The following NAV2 variants were observed in gnomAD, a reference collection of about 807,000 sequenced individuals.
NAV2 encodes neuron navigator 2.
Under a neutral mutation model 223.2 loss-of-function variants are expected in NAV2, and 54 were observed. The ratio of observed to expected loss-of-function variants is 0.24; its 90% CI spans 0.19 to 0.30. The LOEUF (loss-of-function observed/expected upper bound fraction) is 0.30. NAV2 is among the 10% of genes least tolerant of loss of function. NAV2 has a pLI of 1.00. For missense variants in NAV2, 2,806 were observed against 3,147.5 expected (o/e 0.89, Z 2.60); for synonymous variants, 1,279 against 1,239.3 (o/e 1.03, Z -0.67).
At chr11:19,511,217 G>C (rs894689846) in intron 1 of NAV2, 5 of 152,226 alleles carry the variant, frequency 3.3e-5, no homozygotes, top group African/African-American at 1.2e-4. Flanking sequence ...AAAAGGAATG[G>C]ATGGGAGAGC....
intron 1 of NAV2, among the ~76,000 whole-genome samples, chr11:19,409,028 G>C (rs1365097904): frequency 6.6e-6 from 1 of 152,054 alleles, no homozygotes; most frequent in Non-Finnish European, 1.5e-5. Context: ...GGGGCTCTTG[G>C]AGGATCAGTG....
At chr11:19,412,381 C>T (rs1391806913) in intron 1 of NAV2, among the ~76,000 whole-genome samples, 1 of 152,222 alleles carries the variant, frequency 6.6e-6, no homozygotes, top group Non-Finnish European at 1.5e-5. Context: ...GATTCCTCCT[C>T]TCTGGGCAGG....
At chr11:20,031,582 A>G (rs1349072639) in intron 11 of NAV2, among the ~76,000 whole-genome samples, 3 of 152,168 alleles carry the variant, frequency 2.0e-5, no homozygotes, top group Non-Finnish European at 4.4e-5. Flanking sequence ...GGCTTTCAGT[A>G]TGGCTGGATG....
chr11:19,374,314 T>G (rs1166411578), intron 1 of NAV2, among the ~76,000 whole-genome samples: 1 of 144,678 alleles, frequency 6.9e-6, no homozygotes, highest in African/African-American at 2.7e-5. Context: ...AAAAGGTTTT[T>G]TTTTTTTTTT....
At chr11:19,924,808 G>C (rs920721) in intron 6 of NAV2, among the ~76,000 whole-genome samples, 233 of 152,292 alleles carry the variant, frequency 1.5e-3, no homozygotes, top group African/African-American at 5.1e-3. Context: ...GAGCGCTGTG[G>C]AGAGATCTGG....
intron 11 of NAV2, among the ~76,000 whole-genome samples, chr11:19,990,832 C>T (rs1197897213): frequency 6.6e-6 from 1 of 152,180 alleles, no homozygotes; most frequent in Non-Finnish European, 1.5e-5. Flanking sequence ...GGCCAGTGCT[C>T]TCCTAGACAA....
intron 5 of NAV2, among the ~76,000 whole-genome samples, chr11:19,888,758 C>T (rs985752427): frequency 3.9e-5 from 6 of 152,122 alleles, no homozygotes; most frequent in African/African-American, 1.4e-4. Flanking sequence ...GTACTTTCTA[C>T]AGGCTTTGCT....
In NAV2 at chr11:19,823,655, A is replaced by G. The variant is rs966326160; in HGVS notation, c.268-8829A>G. Among the ~76,000 whole-genome samples, 5 of 152,316 alleles carry G rather than the reference A, an allele frequency of 3.3e-5. No homozygotes were observed. In the East Asian group the frequency reaches 9.6e-4, roughly 29 times the overall value. ...TGTGCCCAGCTTATACAGTTTCTAA[A>G]GACTCTGGGGTCTCTTAAGGAAGGT... On this transcript the variant is annotated intron_variant, in intron 1 of 37. Transcript: ENST00000349880.
intron 27 of NAV2, 76 bp from the exon 28 acceptor site, chr11:20,092,130 T>C (rs1434409918): frequency 2.0e-5 from 30 of 1,468,914 alleles, no homozygotes; most frequent in Non-Finnish European, 2.7e-5. Flanking sequence ...CAGGGAACTT[T>C]CAGATCCTTC....
At chr11:19,478,099 TA>T (rs1234645864) in intron 1 of NAV2, among the ~76,000 whole-genome samples, 8 of 152,260 alleles carry the variant, frequency 5.3e-5, no homozygotes, top group East Asian at 1.9e-4. Context: ...CTATATATGT[TA>T]AAAAAATGTT....
chr11:19,832,868 G>C (rs1237295556), intron 2 of NAV2, among the ~76,000 whole-genome samples: 2 of 152,164 alleles, frequency 1.3e-5, no homozygotes, highest in Non-Finnish European at 2.9e-5. Flanking sequence ...CTGGTGGTTT[G>C]GGGAAGATGT....
At chr11:20,031,206 T>G (rs1216616193) in intron 11 of NAV2, among the ~76,000 whole-genome samples, 30 of 152,236 alleles carry the variant, frequency 2.0e-4, no homozygotes, top group Non-Finnish European at 1.3e-4. Flanking sequence ...GCCACTTCTC[T>G]GGAATTTCAT....
chr11:20,085,555 G>C (rs2060382573), intron 26 of NAV2, among the ~76,000 whole-genome samples: 1 of 152,228 alleles, frequency 6.6e-6, no homozygotes, highest in African/African-American at 2.4e-5. Flanking sequence ...TGCATGCCAG[G>C]GGGAGCCACT....
intron 1 of NAV2, chr11:19,511,521 A>T (rs2043279677): frequency 6.6e-6 from 1 of 152,204 alleles, no homozygotes; most frequent in Non-Finnish European, 1.5e-5. Flanking sequence ...CAATTCTGTA[A>T]ATATGCGAAA....
intron 1 of NAV2, among the ~76,000 whole-genome samples, chr11:19,744,370 T>C (rs905961416): frequency 6.6e-6 from 1 of 152,184 alleles, no homozygotes; most frequent in African/African-American, 2.4e-5. Context: ...TGTCACTCCT[T>C]CCATCTCCCT....
intron 1 of NAV2, among the ~76,000 whole-genome samples, chr11:19,564,838 G>A (rs74637416): frequency 0.014 from 2,198 of 152,324 alleles, 54 homozygotes; most frequent in African/African-American, 0.049. Flanking sequence ...AGCAGCAAAA[G>A]TAATAATGAC....
At chr11:19,686,373 TG>T (rs748303476) in intron 1 of NAV2, among the ~76,000 whole-genome samples, 102 of 152,316 alleles carry the variant, frequency 6.7e-4, no homozygotes, top group Non-Finnish European at 1.2e-3. Context: ...TCCCCAACAC[TG>T]GGCCTGACCA....
chr11:19,866,880 A>G lies in NAV2; in HGVS notation c.439-2045A>G, dbSNP rs1253767816. Among the ~76,000 whole-genome samples the G allele has an allele frequency of 3.9e-5, 6 of 152,224 alleles. No homozygotes were observed. The East Asian group carries it at 1.2e-3, about 29-fold the overall frequency. ...GAGCTTTTTCTTTTTCTCACTTTCC[A>G]TGGGGACATAATTGCCAAAGCCTCA... On this transcript the variant is annotated intron_variant, in intron 3 of 37. Transcript: ENST00000349880.
intron 1 of NAV2, among the ~76,000 whole-genome samples, chr11:19,586,650 AC>A: frequency 6.6e-6 from 1 of 152,286 alleles, no homozygotes; most frequent in South Asian, 2.1e-4. Context: ...TCCACTCCAG[AC>A]CCTGTTTGCC....
Sources: gnomAD v4.1 joint callset for allele counts (sites outside exome capture counted in the v4.1 genomes callset) on GRCh38, gnomAD v4.1.1 for gene constraint, MANE v1.5 for transcripts, NCBI Gene and HGNC (gene_info 2026-07-23, HGNC 2026-07-21) for gene names.